Variants in FYTTD1 observed in about 807,000 individuals in gnomAD.
FYTTD1 encodes forty-two-three domain containing 1.
In FYTTD1, 22 loss-of-function variants were observed where a neutral mutation model predicts 40.9. The ratio of observed to expected loss-of-function variants is 0.54; its 90% CI spans 0.38 to 0.77. The LOEUF (loss-of-function observed/expected upper bound fraction) is 0.77. FYTTD1 is among the 30% of genes least tolerant of loss of function. FYTTD1 has a pLI of 0.00. For synonymous variants in FYTTD1, 140 were observed against 137.9 expected, an observed-to-expected ratio of 1.01 and a Z score of -0.10; for missense variants, 351 against 392.2, an observed-to-expected ratio of 0.90 and a Z score of 0.89.
chr3:197,751,682 G>C (rs1729060318), intron 1 of FYTTD1, among the ~76,000 whole-genome samples: 1 of 150,184 alleles, frequency 6.7e-6, no homozygotes. Flanking sequence ...TTGAGGTAAG[G>C]CCAACAAATA....
Position 197,785,702 on chromosome 3 carries a change from TTATTTTTACTA to T in FYTTD1, c.*3796_*3806del, listed in dbSNP as rs1396944061. The T allele has an allele frequency of 6.6e-6, 1 of 152,214 alleles. No homozygotes were observed. Among genetic ancestry groups the T allele is most frequent in the African/African-American group, 2.4e-5 (1 of 41,456 alleles). The allele number at this position is 152,214 out of a possible 1,614,324, so 9.4% of individuals were successfully genotyped here. ...CGGGCCCAGAATAATTTTTGTTGAT[TTATTTTTACTA>T]TAAGGAGATAAGAGAAAAAATAGCT... is the stretch of plus-strand genomic sequence containing the variant. On this transcript the variant is annotated 3_prime_UTR_variant, in exon 9 of 9. Coordinates refer to ENST00000241502, the MANE Select transcript of FYTTD1 (RefSeq NM_032288.7).
chr3:197,781,312 TAAAA>T (rs879641781), intron 8 of FYTTD1, among the ~76,000 whole-genome samples: 1 of 135,170 alleles, frequency 7.4e-6, no homozygotes, highest in African/African-American at 2.7e-5. Flanking sequence ...ACTGTCTCAA[TAAAA>T]AAAAAAAAAA....
Position 197,783,655 on chromosome 3 carries a change from A to G in FYTTD1, c.*1746A>G, listed in dbSNP as rs1730086998. On this transcript the variant is annotated 3_prime_UTR_variant, in exon 9 of 9. Transcript: ENST00000241502. Reference sequence around the variant, plus strand: ...CATTTTTGCAAGGATGAATGCCTGTATTTGGTCTAGGAACAGTACATTTTA... The same window carrying G: ...CATTTTTGCAAGGATGAATGCCTGTGTTTGGTCTAGGAACAGTACATTTTA... 1 of 152,496 alleles carries G rather than the reference A, an allele frequency of 6.6e-6. No homozygotes were observed. 9.4% of individuals were successfully genotyped at this position (152,496 alleles called of 1,614,324 possible). A position where few individuals can be genotyped will look rare whatever the true frequency, so the allele number is the denominator to read the frequency against.
intron 1 of FYTTD1, among the ~76,000 whole-genome samples, chr3:197,754,401 G>A (rs1011161062): frequency 6.6e-6 from 1 of 152,086 alleles, no homozygotes; most frequent in Admixed American, 6.6e-5. Context: ...GTGAATATTT[G>A]AGTGTAATTA....
intron 3 of FYTTD1, among the ~76,000 whole-genome samples, chr3:197,769,669 A>G (rs73892106): frequency 0.065 from 9,725 of 149,464 alleles, 662 homozygotes; most frequent in African/African-American, 0.17. Context: ...TAACTTCCCC[A>G]CTTTTTCTTT....
intron 2 of FYTTD1, among the ~76,000 whole-genome samples, chr3:197,763,993 A>G (rs1729466457): frequency 6.6e-6 from 1 of 152,204 alleles, no homozygotes; most frequent in Non-Finnish European, 1.5e-5. Context: ...CTGTAGAGGT[A>G]GGGCTTGGAG....
chr3:197,753,451 GCTA>G, intron 1 of FYTTD1, among the ~76,000 whole-genome samples: 1 of 152,172 alleles, frequency 6.6e-6, no homozygotes, highest in East Asian at 1.9e-4. Context: ...CACCACTGCT[GCTA>G]CTGCTGCTAT....
At chr3:197,762,253 A>G (rs533040949) in intron 2 of FYTTD1, among the ~76,000 whole-genome samples, 2 of 146,260 alleles carry the variant, frequency 1.4e-5, no homozygotes, top group East Asian at 1.9e-4. Flanking sequence ...ATCCAAAAAC[A>G]ATATACCACT....
chr3:197,752,525 T>C (rs1729091817), intron 1 of FYTTD1, among the ~76,000 whole-genome samples: 1 of 152,156 alleles, frequency 6.6e-6, no homozygotes, highest in Non-Finnish European at 1.5e-5. Context: ...AGTATGTCTG[T>C]ATATATGCCT....
chr3:197,780,044 C>G (rs1729986172), intron 8 of FYTTD1, among the ~76,000 whole-genome samples: 1 of 147,324 alleles, frequency 6.8e-6, no homozygotes. Context: ...GCACACACCA[C>G]CACACCTGGG....
intron 2 of FYTTD1, among the ~76,000 whole-genome samples, chr3:197,766,460 T>TGTGTGTGTGTGTGTGTGTGTG (rs56732488): frequency 2.1e-4 from 31 of 150,716 alleles, no homozygotes; most frequent in East Asian, 3.9e-4. Context: ...TGTGTGTGTG[T>TGTGTGTGTGTGTGTGTGTGTG]TTGAGACAGG....
intron 2 of FYTTD1, among the ~76,000 whole-genome samples, chr3:197,764,115 A>G (rs1002473106): frequency 2.6e-5 from 4 of 152,172 alleles, no homozygotes; most frequent in African/African-American, 7.2e-5. Context: ...GTTGAAGTAC[A>G]TGGAGAATGT....
In FYTTD1 at chr3:197,749,942, G is replaced by C. The variant is rs374077120; in HGVS notation, c.-30G>C. Reference sequence around the variant, plus strand: ...CAGGCCTGCGACTCCGGCCTTGTCCGCGCCCGCTCTCGGCGCGACGTCTCC... The same window carrying C: ...CAGGCCTGCGACTCCGGCCTTGTCCCCGCCCGCTCTCGGCGCGACGTCTCC... On this transcript the variant is annotated 5_prime_UTR_variant, in exon 1 of 9. Coordinates refer to ENST00000241502, the MANE Select transcript of FYTTD1 (RefSeq NM_032288.7). 82 of 1,492,082 alleles carry C rather than the reference G, an allele frequency of 5.5e-5. No homozygotes were observed. The African/African-American group carries it at 9.4e-4, about 17-fold the overall frequency. 92.4% of individuals were successfully genotyped at this position (1,492,082 alleles called of 1,614,324 possible).
intron 6 of FYTTD1, 137 bp downstream of exon 6, chr3:197,774,347 G>C: frequency 1.4e-6 from 1 of 706,158 alleles, no homozygotes; most frequent in Non-Finnish European, 2.4e-6. Context: ...GGGCATAGTG[G>C]TGCTACACAC....
intron 4 of FYTTD1, 141 bp from the exon 5 acceptor site, chr3:197,773,262 T>A: frequency 1.7e-6 from 1 of 600,396 alleles, no homozygotes; most frequent in Non-Finnish European, 3.0e-6. Flanking sequence ...AGCTTCATGT[T>A]AATAAGCAAA....
intron 2 of FYTTD1, among the ~76,000 whole-genome samples, chr3:197,759,615 G>A (rs535928501): frequency 2.1e-4 from 32 of 150,984 alleles, no homozygotes; most frequent in South Asian, 8.4e-4. Context: ...GTGGTAGAAC[G>A]TATAGAGTTG....
At chr3:197,761,127 G>A (rs1340375770) in intron 2 of FYTTD1, among the ~76,000 whole-genome samples, 1 of 151,722 alleles carries the variant, frequency 6.6e-6, no homozygotes, top group Non-Finnish European at 1.5e-5. Flanking sequence ...GTGTTCTTCA[G>A]TGGTAGAATG....
At chr3:197,769,909 C>T (rs1342196604) in intron 3 of FYTTD1, among the ~76,000 whole-genome samples, 3 of 152,088 alleles carry the variant, frequency 2.0e-5, no homozygotes, top group Non-Finnish European at 4.4e-5. Flanking sequence ...TCCCCATCAC[C>T]TGTGGGTCCC....
intron 2 of FYTTD1, among the ~76,000 whole-genome samples, chr3:197,760,029 T>C (rs1301286804): frequency 6.6e-6 from 1 of 151,768 alleles, no homozygotes; most frequent in Non-Finnish European, 1.5e-5. Context: ...GTAGAATGTA[T>C]GGAGTTGTTC....
Sources: allele counts gnomAD v4.1 joint callset (sites outside exome capture counted in the v4.1 genomes callset), GRCh38; gene constraint gnomAD v4.1.1; transcripts MANE v1.5; gene names NCBI Gene and HGNC (gene_info 2026-07-23, HGNC 2026-07-21).